SPHKAP: variants seen among roughly 807,000 people sequenced by gnomAD.
The protein encoded by SPHKAP is SPHK1 interactor, AKAP domain containing.
In SPHKAP, 67 loss-of-function variants were observed where a neutral mutation model predicts 137.5. The observed-to-expected ratio is 0.49, with a 90% CI of 0.40 to 0.60. SPHKAP has a LOEUF of 0.60. Ranked by LOEUF, SPHKAP falls within the 20% of genes least tolerant of loss-of-function variation. SPHKAP has a pLI of 0.00. For missense variants in SPHKAP, 2,097 were observed against 2,069.3 expected, an observed-to-expected ratio of 1.01 and a Z score of -0.26; for synonymous variants, 813 against 785.3, an observed-to-expected ratio of 1.04 and a Z score of -0.59.
intron 3 of SPHKAP, among the ~76,000 whole-genome samples, chr2:228,048,393 C>T (rs1696140730): frequency 6.6e-6 from 1 of 152,094 alleles, no homozygotes; most frequent in Non-Finnish European, 1.5e-5. Context: ...TACCCTTTTC[C>T]TCTTTAATCT....
At chr2:228,115,554 A>T (rs984417118) in intron 2 of SPHKAP, among the ~76,000 whole-genome samples, 5 of 152,128 alleles carry the variant, frequency 3.3e-5, no homozygotes, top group Non-Finnish European at 7.4e-5. Context: ...CAATTATTTA[A>T]GTTCTTTCAA....
chr2:228,006,409 T>C (rs1013186685), intron 7 of SPHKAP, among the ~76,000 whole-genome samples: 2 of 152,186 alleles, frequency 1.3e-5, no homozygotes, highest in African/African-American at 4.8e-5. Context: ...TTAAGGACTT[T>C]TCTGCATTGG....
chr2:228,167,493 C>A (rs1400419089), intron 1 of SPHKAP, among the ~76,000 whole-genome samples: 1 of 152,078 alleles, frequency 6.6e-6, no homozygotes, highest in Non-Finnish European at 1.5e-5. Flanking sequence ...ATCCATGAGT[C>A]AGCAATGAAC....
At chr2:227,982,031 T>G (rs1227389409) in intron 11 of SPHKAP, 171 bp from the exon 12 acceptor site, 1 of 982,066 alleles carries the variant, frequency 1.0e-6, no homozygotes, top group Non-Finnish European at 1.2e-6. Context: ...TTCAGATTAT[T>G]ACCGAACTTC....
At chr2:228,057,482 AAGAG>A (rs1279185387) in intron 3 of SPHKAP, among the ~76,000 whole-genome samples, 1 of 152,162 alleles carries the variant, frequency 6.6e-6, no homozygotes, top group Non-Finnish European at 1.5e-5. Flanking sequence ...TCACAACTAC[AAGAG>A]AGAGTCTTCA....
chr2:228,085,696 C>T (rs1697513763), intron 3 of SPHKAP, among the ~76,000 whole-genome samples: 1 of 152,164 alleles, frequency 6.6e-6, no homozygotes, highest in Admixed American at 6.5e-5. Context: ...TTGAAAAAGG[C>T]TTTTAATGGC....
chr2:228,062,361 G>A (rs1031523875), intron 3 of SPHKAP, among the ~76,000 whole-genome samples: 11 of 151,786 alleles, frequency 7.2e-5, no homozygotes, highest in Non-Finnish European at 1.2e-4. Context: ...CTGACCTCAG[G>A]TGATCCACCT....
intron 1 of SPHKAP, among the ~76,000 whole-genome samples, chr2:228,148,047 A>G (rs527640520): frequency 6.6e-6 from 1 of 152,324 alleles, no homozygotes; most frequent in South Asian, 2.1e-4. Flanking sequence ...TTGTCCTCAC[A>G]GAATACAACG....
intron 1 of SPHKAP, among the ~76,000 whole-genome samples, chr2:228,157,980 T>G (rs1285769423): frequency 6.6e-6 from 1 of 152,204 alleles, no homozygotes; most frequent in Non-Finnish European, 1.5e-5. Context: ...ATGAGACCAA[T>G]GTGGAAATGC....
At position 227,981,166 on chromosome 2, in the gene SPHKAP, T is replaced by A. The variant is rs1437828807; in HGVS notation, c.*551A>T. On this transcript the variant is annotated 3_prime_UTR_variant, in exon 12 of 12. Transcript: ENST00000392056. ...ATCACCTCAGTAGAGGATGCTGCTATACTTTTATCAATGTCTACTGACATT... is the reference window on the plus strand; with the variant it reads ...ATCACCTCAGTAGAGGATGCTGCTAAACTTTTATCAATGTCTACTGACATT... The A allele has an allele frequency of 6.6e-6, 1 of 152,294 alleles. No individual in the cohort carries two copies. Among genetic ancestry groups the A allele is most frequent in the Non-Finnish European group, 1.5e-5 (1 of 68,060 alleles). 9.4% of individuals were successfully genotyped at this position (152,294 alleles called of 1,614,324 possible). A position where few individuals can be genotyped will look rare whatever the true frequency, so the allele number is the denominator to read the frequency against.
intron 1 of SPHKAP, among the ~76,000 whole-genome samples, chr2:228,160,092 G>A (rs1413178743): frequency 6.6e-6 from 1 of 152,122 alleles, no homozygotes; most frequent in Non-Finnish European, 1.5e-5. Flanking sequence ...AAATTAGAGT[G>A]GAGGAAGTTT....
intron 3 of SPHKAP, among the ~76,000 whole-genome samples, chr2:228,096,464 A>G (rs1697985690): frequency 1.3e-5 from 2 of 152,118 alleles, no homozygotes; most frequent in African/African-American, 4.8e-5. Context: ...GCCCTTGAGC[A>G]CGCTAATATC....
intron 11 of SPHKAP, among the ~76,000 whole-genome samples, chr2:227,988,729 G>A (rs1469952589): frequency 6.6e-6 from 1 of 152,172 alleles, no homozygotes; most frequent in Non-Finnish European, 1.5e-5. Context: ...TCCTGAGAAT[G>A]TTTTTCCCTC....
At chr2:228,086,523 T>A (rs1048385030) in intron 3 of SPHKAP, among the ~76,000 whole-genome samples, 1 of 152,120 alleles carries the variant, frequency 6.6e-6, no homozygotes, top group Admixed American at 6.6e-5. Context: ...AGCTGGGGAC[T>A]CCTTTTTTTC....
At chr2:228,143,911 G>A (rs1464168079) in intron 1 of SPHKAP, among the ~76,000 whole-genome samples, 4 of 152,100 alleles carry the variant, frequency 2.6e-5, no homozygotes, top group South Asian at 2.1e-4. Flanking sequence ...TGCATGGACC[G>A]TCTGTTACCT....
At chr2:228,033,380 A>G (rs1695432954) in intron 3 of SPHKAP, among the ~76,000 whole-genome samples, 1 of 152,238 alleles carries the variant, frequency 6.6e-6, no homozygotes, top group African/African-American at 2.4e-5. Context: ...TTCATAAAGC[A>G]AGTCCTTAGT....
chr2:227,995,964 G>A lies in SPHKAP; in HGVS notation c.4449-270C>T, dbSNP rs538434554. 604 of 985,144 alleles carry A rather than the reference G, an allele frequency of 6.1e-4. 1 individual carries two copies. Among genetic ancestry groups the A allele is most frequent in the Non-Finnish European group, 7.0e-4 (577 of 829,760 alleles). 61.0% of individuals were successfully genotyped at this position (985,144 alleles called of 1,614,324 possible). A position where few individuals can be genotyped will look rare whatever the true frequency, so the allele number is the denominator to read the frequency against. On this transcript the variant is annotated intron_variant, in intron 7 of 11. Coordinates refer to ENST00000392056, the MANE Select transcript of SPHKAP (RefSeq NM_001142644.2). Reference sequence around the variant, plus strand: ...AAACAGGTTGAATGTATGTAGCCTGGCCTACACACAAAAGAATTATTGAGG... The same window carrying A: ...AAACAGGTTGAATGTATGTAGCCTGACCTACACACAAAAGAATTATTGAGG...
chr2:228,032,222 C>T (rs1174212110), intron 3 of SPHKAP, among the ~76,000 whole-genome samples: 2 of 152,146 alleles, frequency 1.3e-5, no homozygotes, highest in South Asian at 2.1e-4. Context: ...GGCTCGAGAA[C>T]TACATGAAGG....
In SPHKAP at chr2:227,990,195, C is replaced by T. The variant is rs74744451; in HGVS notation, c.4959+805G>A. Among the ~76,000 whole-genome samples, 1,032 of 152,312 alleles carry T rather than the reference C, an allele frequency of 6.8e-3. 15 individuals are homozygous for T. Among genetic ancestry groups the T allele is most frequent in the African/African-American group, 0.023 (944 of 41,568 alleles). ...CCCAGTCAGGCTAATGCCTTAATTTCCACCTTGTAAAACCTAAAGCAAAGA... is the reference window on the plus strand; with the variant it reads ...CCCAGTCAGGCTAATGCCTTAATTTTCACCTTGTAAAACCTAAAGCAAAGA... On this transcript the variant is annotated intron_variant, in intron 11 of 11. Coordinates refer to ENST00000392056, the MANE Select transcript of SPHKAP (RefSeq NM_001142644.2).
Sources: allele counts gnomAD v4.1 joint callset (sites outside exome capture counted in the v4.1 genomes callset), GRCh38; gene constraint gnomAD v4.1.1; transcripts MANE v1.5; gene names NCBI Gene and HGNC (gene_info 2026-07-23, HGNC 2026-07-21).